Variants in GNPTAB observed in about 807,000 individuals in gnomAD.
The protein encoded by GNPTAB is N-acetylglucosamine-1-phosphate transferase subunits alpha and beta.
Under a neutral mutation model 136.6 loss-of-function variants are expected in GNPTAB, and 92 were observed. The observed-to-expected ratio is 0.67, with a 90% confidence interval of 0.57 to 0.80. The LOEUF is 0.80. GNPTAB is among the 30% of genes least tolerant of loss of function. The pLI is 0.00. For synonymous variants in GNPTAB, 512 were observed against 535.1 expected, an observed-to-expected ratio of 0.96 and a Z score of 0.60; for missense variants, 1,343 against 1,501.8, an observed-to-expected ratio of 0.89 and a Z score of 1.75.
rs1366004104 is a variant in GNPTAB at position 101,764,409 on chromosome 12, T to C, written c.2508A>G (p.Pro836=). 1.9e-6 allele frequency: 3 copies of C among 1,613,428 alleles called. No homozygotes were observed. The highest frequency in any genetic ancestry group is 1.3e-5 in the African/African-American group (1 of 74,896). Reference sequence around the variant, plus strand: ...GGCTTTCCAGTGGAACAATCAGAGATGGGGGCTTTTCTTTTGTCACATTTC... The same window carrying C: ...GGCTTTCCAGTGGAACAATCAGAGACGGGGGCTTTTCTTTTGTCACATTTC... ...IGGNVTKEKP[P]SLIVPLESQM... The change falls in exon 13 of 21, where the codon CCA becomes CCG. Residue 836 remains proline, a synonymous_variant. Transcript: ENST00000299314.
intron 4 of GNPTAB, 38 bp downstream of exon 4, chr12:101,788,510 T>G: frequency 8.2e-7 from 1 of 1,219,104 alleles, no homozygotes; most frequent in Non-Finnish European, 1.2e-6. Flanking sequence ...ACTTCAATCC[T>G]TCACTTTTTA....
chr12:101,817,924 G>A (rs1870589414), intron 1 of GNPTAB, among the ~76,000 whole-genome samples: 1 of 152,174 alleles, frequency 6.6e-6, no homozygotes, highest in Non-Finnish European at 1.5e-5. Flanking sequence ...CAGAGCAACT[G>A]TTCTAAGCAC....
At chr12:101,823,100 G>A (rs1313042825) in intron 1 of GNPTAB, among the ~76,000 whole-genome samples, 2 of 152,208 alleles carry the variant, frequency 1.3e-5, no homozygotes, top group African/African-American at 4.8e-5. Context: ...GGACTGCTGA[G>A]GTCCTGGGTC....
At chr12:101,766,362 G>A in intron 11 of GNPTAB, 68 bp from the exon 12 acceptor site, 1 of 1,382,860 alleles carries the variant, frequency 7.2e-7, no homozygotes, top group South Asian at 1.2e-5. Context: ...TCTGGACTGG[G>A]TGTGGTGGCT....
At chr12:101,813,655 A>G (rs1870351949) in intron 1 of GNPTAB, among the ~76,000 whole-genome samples, 1 of 152,210 alleles carries the variant, frequency 6.6e-6, no homozygotes, top group South Asian at 2.1e-4. Context: ...AAATACTAGG[A>G]ACAGCAGTTC....
chr12:101,758,037 A>ATTT (rs565284497), intron 16 of GNPTAB, among the ~76,000 whole-genome samples: 4 of 126,226 alleles, frequency 3.2e-5, no homozygotes, highest in Admixed American at 7.9e-5. Context: ...TCATAGTCTC[A>ATTT]TTTTTTTTTT....
intron 2 of GNPTAB, among the ~76,000 whole-genome samples, chr12:101,791,872 A>C (rs910629692): frequency 2.6e-5 from 4 of 152,222 alleles, no homozygotes; most frequent in Admixed American, 2.6e-4. Context: ...TTCTCCATTC[A>C]CTGAATAATT....
chr12:101,780,310 C>T, intron 6 of GNPTAB, 24 bp from the exon 7 acceptor site: 1 of 1,612,886 alleles, frequency 6.2e-7, no homozygotes, highest in Non-Finnish European at 8.5e-7. Flanking sequence ...AAAAACATAA[C>T]TCATTTTCCA....
At chr12:101,829,468 G>C (rs1212955676) in intron 1 of GNPTAB, among the ~76,000 whole-genome samples, 1 of 152,154 alleles carries the variant, frequency 6.6e-6, no homozygotes, top group Non-Finnish European at 1.5e-5. Flanking sequence ...CTGGGCAACA[G>C]AGCAAGACTC....
Position 101,814,645 on chromosome 12 carries a change from C to T in GNPTAB, c.117+15914G>A, listed in dbSNP as rs115328928. Among the ~76,000 whole-genome samples, 731 of 149,434 alleles carry T rather than the reference C, an allele frequency of 4.9e-3. 7 individuals are homozygous for T. The highest frequency in any genetic ancestry group is 0.017 in the African/African-American group (693 of 40,602). On this transcript the variant is annotated intron_variant, in intron 1 of 20. Coordinates refer to ENST00000299314, the MANE Select transcript of GNPTAB (RefSeq NM_024312.5). ...CTGGGAGGCGGAGGTTCTAGTGAGCCGGGACCATGTCACTGCACTCCAGCC... is the reference window on the plus strand; with the variant it reads ...CTGGGAGGCGGAGGTTCTAGTGAGCTGGGACCATGTCACTGCACTCCAGCC...
In GNPTAB at chr12:101,757,621, GT is replaced by G; in HGVS notation, c.3285del (p.Lys1095AsnfsTer3). Reference sequence around the variant, plus strand: ...GCTTTGTGGATTTTGTCAGTTACTGGTTTACAGTTTGTTACTAGACTTTTAG... The same window carrying G: ...GCTTTGTGGATTTTGTCAGTTACTGGTTACAGTTTGTTACTAGACTTTTAG... ...PVTKSLVTNC[K>X]PVTDKIHKAY... On this transcript the variant is annotated frameshift_variant, in exon 17 of 21. Transcript: ENST00000299314. LOFTEE classifies it high-confidence loss of function. 6.3e-7 allele frequency: 1 copy of G among 1,588,500 alleles called. No individual in the cohort carries two copies. Among genetic ancestry groups the G allele is most frequent in the Non-Finnish European group, 8.6e-7 (1 of 1,157,010 alleles).
At chr12:101,751,598 G>A (rs909119107) in intron 19 of GNPTAB, among the ~76,000 whole-genome samples, 65 of 152,358 alleles carry the variant, frequency 4.3e-4, no homozygotes, top group African/African-American at 1.5e-3. Flanking sequence ...GGAATGTGCA[G>A]AGGACTGGGA....
chr12:101,783,204 C>A lies in GNPTAB; in HGVS notation c.572-2583G>T, dbSNP rs185427041. 1.6e-4 allele frequency among the ~76,000 whole-genome samples: 25 copies of A among 152,030 alleles called. No homozygotes were observed. The East Asian group carries it at 3.5e-3, about 21-fold the overall frequency. ...TGTATCTTCAGTACAGGGAACAGTA[C>A]CTGGCACACAGCAGGCACTTAATAA... is the stretch of plus-strand genomic sequence containing the variant. On this transcript the variant is annotated intron_variant, in intron 5 of 20. Transcript: ENST00000299314.
chr12:101,816,719 C>T (rs1870526329), intron 1 of GNPTAB, among the ~76,000 whole-genome samples: 2 of 151,812 alleles, frequency 1.3e-5, no homozygotes, highest in Non-Finnish European at 2.9e-5. Context: ...AAAGGAAATC[C>T]GTATAATGAA....
intron 18 of GNPTAB, among the ~76,000 whole-genome samples, chr12:101,754,114 T>C (rs1390108844): frequency 6.7e-6 from 1 of 148,866 alleles, no homozygotes; most frequent in Admixed American, 6.7e-5. Context: ...AGAAAGACAA[T>C]CCGTAAGTAC....
At chr12:101,755,040 A>G (rs752530912) in intron 18 of GNPTAB, among the ~76,000 whole-genome samples, 17 of 152,190 alleles carry the variant, frequency 1.1e-4, no homozygotes, top group Non-Finnish European at 1.9e-4. Flanking sequence ...ACATTGACAA[A>G]GTAGTTGGTC....
chr12:101,753,478 C>G lies in GNPTAB; in HGVS notation c.3496G>C (p.Ala1166Pro), dbSNP rs781645250. ...HNHKDAQTVKAVLRDFYESMF... is the reference protein window; with the variant it reads ...HNHKDAQTVKPVLRDFYESMF... ...GATTCATAGAAGTCCCTGAGAACAGCCTTCACTGTCTGAGCATCTTTATGA... is the reference window on the plus strand; with the variant it reads ...GATTCATAGAAGTCCCTGAGAACAGGCTTCACTGTCTGAGCATCTTTATGA... The change falls in exon 19 of 21, where the codon GCT becomes CCT. Residue 1166 changes from alanine to proline, a missense_variant. Physicochemically the swap from Ala to Pro is conservative, Grantham distance 27 (BLOSUM62 -1). Transcript: ENST00000299314. 1 of 1,613,696 alleles carries G rather than the reference C, an allele frequency of 6.2e-7. No individual in the cohort carries two copies. Among genetic ancestry groups the G allele is most frequent in the Admixed American group, 1.7e-5 (1 of 60,010 alleles).
In GNPTAB at chr12:101,764,886, C is replaced by T. The variant is rs1409337079; in HGVS notation, c.2031G>A (p.Lys677=). 4 of 1,614,176 alleles carry T rather than the reference C, an allele frequency of 2.5e-6. No individual in the cohort carries two copies. The highest frequency in any genetic ancestry group is 3.4e-6 in the Non-Finnish European group (4 of 1,180,030). The change falls in exon 13 of 21, where the codon AAG becomes AAA. Residue 677 remains lysine (K), a synonymous_variant. Coordinates refer to ENST00000299314, the MANE Select transcript of GNPTAB (RefSeq NM_024312.5). The part of the protein sequence containing the change: ...EDIPKEKRFP[K]FKRHDVNSTR... ...TTGAGTTAACATCATGTCTCTTAAA[C>T]TTCGGGAAGCGTTTTTCTTTGGGAA...
At chr12:101,785,855 G>T in intron 5 of GNPTAB, 157 bp downstream of exon 5, 1 of 639,470 alleles carries the variant, frequency 1.6e-6, no homozygotes, top group Non-Finnish European at 2.7e-6. Flanking sequence ...TTGAGGTTAA[G>T]GCCAAAATAC....
Sources: gnomAD v4.1 joint callset for allele counts (sites outside exome capture counted in the v4.1 genomes callset) on GRCh38, gnomAD v4.1.1 for gene constraint, MANE v1.5 for transcripts, NCBI Gene and HGNC (gene_info 2026-07-23, HGNC 2026-07-21) for gene names.